The following CDKAL1 variants were observed in gnomAD, a reference collection of about 807,000 sequenced individuals.
The protein encoded by CDKAL1 is threonylcarbamoyladenosine tRNA methylthiotransferase.
In CDKAL1, 32 loss-of-function variants were observed where a neutral mutation model predicts 68.2. The ratio of observed to expected loss-of-function variants is 0.47; its 90% CI spans 0.35 to 0.63. CDKAL1 has a LOEUF of 0.63. CDKAL1 is among the 30% of genes least tolerant of loss of function. The probability of loss-of-function intolerance (pLI) is 0.00; values close to 1 mark genes in which losing one functional copy is unlikely to be tolerated. For synonymous variants in CDKAL1, 234 were observed against 244.3 expected (o/e 0.96, Z 0.39); for missense variants, 606 against 696.7 (o/e 0.87, Z 1.47).
chr6:21,149,037 G>A (rs1033943330), intron 13 of CDKAL1, among the ~76,000 whole-genome samples: 3 of 152,106 alleles, frequency 2.0e-5, no homozygotes, highest in Non-Finnish European at 4.4e-5. Flanking sequence ...GGGTGCTTAG[G>A]GATACAAACC....
At chr6:20,604,443 T>G (rs1250065382) in intron 4 of CDKAL1, among the ~76,000 whole-genome samples, 3 of 152,214 alleles carry the variant, frequency 2.0e-5, no homozygotes, top group Non-Finnish European at 4.4e-5. Context: ...CAAAGATATA[T>G]TCTCACAGGG....
intron 13 of CDKAL1, among the ~76,000 whole-genome samples, chr6:21,108,729 A>C (rs1773975767): frequency 6.6e-6 from 1 of 152,112 alleles, no homozygotes; most frequent in Non-Finnish European, 1.5e-5. Context: ...TTTGGGGTGT[A>C]TTTTGGTTGG....
intron 4 of CDKAL1, among the ~76,000 whole-genome samples, chr6:20,629,738 G>T (rs1561980404): frequency 6.6e-6 from 1 of 151,928 alleles, no homozygotes; most frequent in East Asian, 1.9e-4. Flanking sequence ...CCATTGTGCC[G>T]CAGCTCTGTC....
In CDKAL1 at chr6:21,226,972, G is replaced by A. The variant is rs915341208; in HGVS notation, c.1549-3876G>A. 2.6e-5 allele frequency among the ~76,000 whole-genome samples: 4 copies of A among 152,362 alleles called. No individual in the cohort carries two copies. In the East Asian group the frequency reaches 5.8e-4, roughly 22 times the overall value. On this transcript the variant is annotated intron_variant, in intron 15 of 15. Transcript: ENST00000274695. ...GTGATCCGCCTCGGCCTCCCAAAGT[G>A]CTGGGATTGTAGGCGTGAGCCACCG...
chr6:20,750,105 G>A (rs1773850288), intron 6 of CDKAL1, among the ~76,000 whole-genome samples: 4 of 152,074 alleles, frequency 2.6e-5, no homozygotes, highest in Non-Finnish European at 4.4e-5. Flanking sequence ...GGTCCATGAA[G>A]CAGGGATGTT....
intron 9 of CDKAL1, among the ~76,000 whole-genome samples, chr6:20,880,157 G>A (rs928361187): frequency 1.3e-5 from 2 of 152,194 alleles, no homozygotes; most frequent in Non-Finnish European, 2.9e-5. Context: ...AAAGAAATTA[G>A]CTACAGGCTT....
At chr6:20,646,288 C>T (rs1768456986) in intron 4 of CDKAL1, among the ~76,000 whole-genome samples, 1 of 151,642 alleles carries the variant, frequency 6.6e-6, no homozygotes, top group Non-Finnish European at 1.5e-5. Flanking sequence ...AACTGCTGAC[C>T]TCGTGATCCA....
intron 5 of CDKAL1, among the ~76,000 whole-genome samples, chr6:20,739,006 G>A (rs1416614654): frequency 6.6e-6 from 1 of 152,100 alleles, no homozygotes; most frequent in African/African-American, 2.4e-5. Flanking sequence ...ATGTCTCTAG[G>A]GAGCAGGACT....
At chr6:21,169,923 C>CCT (rs1480952301) in intron 13 of CDKAL1, among the ~76,000 whole-genome samples, 1 of 123,886 alleles carries the variant, frequency 8.1e-6, no homozygotes, top group African/African-American at 3.2e-5. Context: ...CGGGAAAGAC[C>CCT]CCCCCCACCC....
intron 4 of CDKAL1, among the ~76,000 whole-genome samples, chr6:20,642,587 T>G (rs1768233056): frequency 6.6e-6 from 1 of 151,888 alleles, no homozygotes; most frequent in Non-Finnish European, 1.5e-5. Flanking sequence ...TTCACCAGAT[T>G]GGCGGAAGTC....
chr6:21,215,157 T>C (rs549858216), intron 15 of CDKAL1, among the ~76,000 whole-genome samples: 6 of 152,222 alleles, frequency 3.9e-5, no homozygotes, highest in African/African-American at 1.4e-4. Context: ...TCAGCAGGCA[T>C]TTGGTGGATC....
At chr6:21,219,441 G>A (rs1398869612) in intron 15 of CDKAL1, among the ~76,000 whole-genome samples, 1 of 152,178 alleles carries the variant, frequency 6.6e-6, no homozygotes, top group Non-Finnish European at 1.5e-5. Context: ...TTTGTGGTCA[G>A]TTGAACTTGT....
intron 9 of CDKAL1, among the ~76,000 whole-genome samples, chr6:20,906,525 A>G (rs951577895): frequency 6.6e-6 from 1 of 152,154 alleles, no homozygotes; most frequent in Admixed American, 6.5e-5. Context: ...TACGCTGAAA[A>G]TGCATTTAAT....
At chr6:21,172,477 A>G (rs191736741) in intron 13 of CDKAL1, among the ~76,000 whole-genome samples, 139 of 152,138 alleles carry the variant, frequency 9.1e-4, no homozygotes, top group African/African-American at 3.2e-3. Context: ...TGGCTGGGCG[A>G]GGTGGTTCAC....
chr6:21,190,133 A>G (rs541568546), intron 13 of CDKAL1, among the ~76,000 whole-genome samples: 22 of 145,696 alleles, frequency 1.5e-4, no homozygotes, highest in African/African-American at 2.7e-4. Flanking sequence ...CTTAGGGGGG[A>G]AAAAAAAAAA....
chr6:21,056,066 G>T (rs1358884647), intron 11 of CDKAL1, among the ~76,000 whole-genome samples: 1 of 152,062 alleles, frequency 6.6e-6, no homozygotes, highest in Non-Finnish European at 1.5e-5. Flanking sequence ...TTGCCATTCT[G>T]ACTGGTGTGA....
At chr6:20,752,305 A>G (rs1281078493) in intron 6 of CDKAL1, among the ~76,000 whole-genome samples, 1 of 151,992 alleles carries the variant, frequency 6.6e-6, no homozygotes, top group Non-Finnish European at 1.5e-5. Flanking sequence ...CCCACACACC[A>G]TCCAGTGATT....
At chr6:20,584,912 A>G (rs1244845310) in intron 4 of CDKAL1, among the ~76,000 whole-genome samples, 1 of 152,054 alleles carries the variant, frequency 6.6e-6, no homozygotes, top group Non-Finnish European at 1.5e-5. Flanking sequence ...CAGCTCCGTT[A>G]CTTGTATACT....
chr6:21,185,617 C>A (rs1415229820), intron 13 of CDKAL1, among the ~76,000 whole-genome samples: 4 of 152,118 alleles, frequency 2.6e-5, no homozygotes, highest in Non-Finnish European at 5.9e-5. Context: ...ACTTAAATGG[C>A]ATGATGTGTC....
Sources: allele counts gnomAD v4.1 joint callset (sites outside exome capture counted in the v4.1 genomes callset), GRCh38; gene constraint gnomAD v4.1.1; transcripts MANE v1.5; gene names NCBI Gene and HGNC (gene_info 2026-07-23, HGNC 2026-07-21).